Variants in CWC27 observed in about 807,000 individuals in gnomAD.
The protein encoded by CWC27 is CWC27 spliceosome associated cyclophilin, also known as spliceosome-associated protein CWC27 homolog.
CWC27 carries 47 observed loss-of-function variants against 63.6 expected under a neutral mutation model. The observed-to-expected ratio is 0.74, with a 90% CI of 0.58 to 0.94. CWC27 has a LOEUF of 0.94. Ranked by LOEUF, CWC27 falls within the 40% of genes least tolerant of loss-of-function variation. The pLI is 0.00. For synonymous variants in CWC27, 175 were observed against 179.8 expected (o/e 0.97, Z 0.22); for missense variants, 495 against 554.3 (o/e 0.89, Z 1.07).
chr5:64,824,336 T>G (rs975896208), intron 10 of CWC27, among the ~76,000 whole-genome samples: 1 of 152,198 alleles, frequency 6.6e-6, no homozygotes, highest in Non-Finnish European at 1.5e-5. Context: ...ATTAGAACTT[T>G]GTTATGCCAA....
intron 10 of CWC27, among the ~76,000 whole-genome samples, chr5:64,821,054 C>G (rs1180714759): frequency 6.6e-6 from 1 of 151,084 alleles, no homozygotes; most frequent in Non-Finnish European, 1.5e-5. Context: ...ATATAAAGAA[C>G]TCTTAAAATT....
At position 64,821,666 on chromosome 5, in the gene CWC27, A is replaced by G. The variant is rs1307264683; in HGVS notation, c.938+17280A>G. Among the ~76,000 whole-genome samples the G allele has an allele frequency of 2.0e-5, 3 of 152,194 alleles. No individual in the cohort carries two copies. In the East Asian group the frequency reaches 5.8e-4, roughly 29 times the overall value. ...ATCCTGAAGCTGCTCTCTTTACCAT[A>G]GGATCAGAGTGGTATTGCAAAAAGA... On this transcript the variant is annotated intron_variant, in intron 10 of 13. Coordinates refer to ENST00000381070, the MANE Select transcript of CWC27 (RefSeq NM_005869.4).
At chr5:64,985,840 A>G (rs1257997704) in intron 13 of CWC27, among the ~76,000 whole-genome samples, 2 of 152,106 alleles carry the variant, frequency 1.3e-5, no homozygotes, top group Non-Finnish European at 1.5e-5. Context: ...TTTGGGGAAA[A>G]GCCTTCAGTC....
chr5:65,009,029 C>T (rs941581419), intron 13 of CWC27, among the ~76,000 whole-genome samples: 4 of 151,942 alleles, frequency 2.6e-5, no homozygotes, highest in African/African-American at 7.3e-5. Flanking sequence ...TTATTTGGCT[C>T]ACAGCTCTGC....
chr5:64,840,378 AAAAAAAAAAAAAAAAAATATATATATAT>A lies in CWC27; in HGVS notation c.938+35994_938+36021del, dbSNP rs1468436052. On this transcript the variant is annotated intron_variant, in intron 10 of 13. Transcript: ENST00000381070. ...CTTTTTCATTAAAAAAAAAAAAAAA[AAAAAAAAAAAAAAAAAATATATATATAT>A]ATATATATATATATATATATATATA... Among the ~76,000 whole-genome samples, 117 of 67,182 alleles carry A rather than the reference AAAAAAAAAAAAAAAAAATATATATATAT, an allele frequency of 1.7e-3. 1 individual carries two copies. The highest frequency in any genetic ancestry group is 7.2e-3 in the African/African-American group (111 of 15,420). 44.1% of individuals were successfully genotyped at this position (67,182 alleles called of 152,430 possible).
At chr5:64,838,311 A>G (rs1420859717) in intron 10 of CWC27, among the ~76,000 whole-genome samples, 6 of 152,182 alleles carry the variant, frequency 3.9e-5, no homozygotes, top group Non-Finnish European at 7.4e-5. Flanking sequence ...AACAGATGCA[A>G]TATATCAGCA....
rs138814908 is a variant in CWC27 at position 64,887,429 on chromosome 5, G to A, written c.1042+1883G>A. Among the ~76,000 whole-genome samples, 112 of 152,050 alleles carry A rather than the reference G, an allele frequency of 7.4e-4. 2 individuals carry two copies. Among genetic ancestry groups the A allele is most frequent in the Admixed American group, 3.3e-4 (5 of 15,256 alleles). ...GTCACCCAGGCTGGAGTGTGGTGGC[G>A]CGATCTTGGCTCACTGCAACCCCCG... is the stretch of plus-strand genomic sequence containing the variant. On this transcript the variant is annotated intron_variant, in intron 11 of 13. Transcript: ENST00000381070.
intron 5 of CWC27, among the ~76,000 whole-genome samples, chr5:64,785,885 C>T (rs915333279): frequency 5.9e-5 from 9 of 152,002 alleles, no homozygotes; most frequent in Non-Finnish European, 1.2e-4. Flanking sequence ...GAGTAATCTG[C>T]TGGGCACGGT....
At position 64,785,594 on chromosome 5, in the gene CWC27, A is replaced by G. The variant is rs1411793658; in HGVS notation, c.495+15A>G. 1.4e-6 allele frequency: 2 copies of G among 1,477,060 alleles called. No individual in the cohort carries two copies. The highest frequency in any genetic ancestry group is 1.9e-6 in the Non-Finnish European group (2 of 1,065,140). 91.5% of individuals were successfully genotyped at this position (1,477,060 alleles called of 1,614,324 possible). A position where few individuals can be genotyped will look rare whatever the true frequency, so the allele number is the denominator to read the frequency against. ...AAAGCTGTGAGGTAGGAGCATGATT[A>G]TTACGAGATACAGCACTTACATTGT... is the stretch of plus-strand genomic sequence containing the variant. On this transcript the variant is annotated intron_variant, in intron 5 of 13. Coordinates refer to ENST00000381070, the MANE Select transcript of CWC27 (RefSeq NM_005869.4).
intron 10 of CWC27, chr5:64,884,200 A>G (rs971437655): frequency 4.6e-5 from 7 of 152,198 alleles, no homozygotes; most frequent in African/African-American, 1.4e-4. Flanking sequence ...CTGATGGACC[A>G]TGAACTACAG....
At chr5:64,789,301 T>A (rs1233177310) in intron 7 of CWC27, among the ~76,000 whole-genome samples, 2 of 152,092 alleles carry the variant, frequency 1.3e-5, no homozygotes, top group Non-Finnish European at 2.9e-5. Flanking sequence ...TAACTGCTAT[T>A]TTTTCAGGTA....
chr5:64,836,061 T>C (rs147405448), intron 10 of CWC27, among the ~76,000 whole-genome samples: 38 of 151,962 alleles, frequency 2.5e-4, no homozygotes, highest in East Asian at 9.6e-4. Flanking sequence ...CCACTATCAG[T>C]TTAGCAAGTA....
At chr5:65,014,565 G>A (rs1750018310) in intron 13 of CWC27, among the ~76,000 whole-genome samples, 1 of 151,450 alleles carries the variant, frequency 6.6e-6, no homozygotes, top group Non-Finnish European at 1.5e-5. Context: ...TACTTTTTTT[G>A]GGCCAATTCC....
intron 11 of CWC27, among the ~76,000 whole-genome samples, chr5:64,920,842 C>CT (rs968889559): frequency 4.6e-5 from 7 of 151,878 alleles, no homozygotes; most frequent in African/African-American, 1.7e-4. Context: ...GATCTTCTCT[C>CT]TTTTTTTTCT....
At chr5:64,871,353 A>C (rs7733835) in intron 10 of CWC27, among the ~76,000 whole-genome samples, 2,669 of 152,204 alleles carry the variant, frequency 0.018, 46 homozygotes, top group African/African-American at 0.05. Context: ...CAGTATTGAG[A>C]GTCCAGTAAA....
At chr5:64,905,984 C>G (rs928869582) in intron 11 of CWC27, among the ~76,000 whole-genome samples, 1 of 151,364 alleles carries the variant, frequency 6.6e-6, no homozygotes, top group Admixed American at 6.6e-5. Flanking sequence ...CAGCTTCATC[C>G]ATGTCCCTGC....
At chr5:64,827,526 C>T (rs764571750) in intron 10 of CWC27, among the ~76,000 whole-genome samples, 1 of 152,118 alleles carries the variant, frequency 6.6e-6, no homozygotes, top group Non-Finnish European at 1.5e-5. Context: ...GGTTGGAATA[C>T]CAGCTGTACC....
intron 10 of CWC27, among the ~76,000 whole-genome samples, chr5:64,850,631 A>G (rs2112296248): frequency 6.6e-6 from 1 of 152,322 alleles, no homozygotes; most frequent in South Asian, 2.1e-4. Flanking sequence ...GTCAAACTAC[A>G]ATCGGGAAAA....
chr5:64,769,565 G>A (rs540192867), intron 1 of CWC27, among the ~76,000 whole-genome samples: 12 of 152,256 alleles, frequency 7.9e-5, no homozygotes, highest in Middle Eastern at 3.4e-3. Context: ...CGCCTGCGAG[G>A]CACTGGGCAC....
Sources: gnomAD v4.1 joint callset for allele counts (sites outside exome capture counted in the v4.1 genomes callset) on GRCh38, gnomAD v4.1.1 for gene constraint, MANE v1.5 for transcripts, NCBI Gene and HGNC (gene_info 2026-07-23, HGNC 2026-07-21) for gene names.